Variants in VASH2 observed in about 807,000 individuals in gnomAD.
VASH2 encodes tubulinyl-Tyr carboxypeptidase 2.
In VASH2, 28 loss-of-function variants were observed where a neutral mutation model predicts 37.2. The ratio of observed to expected loss-of-function variants is 0.75; its 90% confidence interval spans 0.56 to 1.03. The LOEUF (loss-of-function observed/expected upper bound fraction) is 1.03. Among genes scored for constraint, VASH2 ranks in the 50% least tolerant of loss-of-function variants. The probability of loss-of-function intolerance (pLI) is 0.00; values close to 1 mark genes in which losing one functional copy is unlikely to be tolerated. For missense variants in VASH2, 419 were observed against 459.1 expected (o/e 0.91, Z 0.80); for synonymous variants, 188 against 174.7 (o/e 1.08, Z -0.60).
chr1:212,965,859 C>G, intron 4 of VASH2, 81 bp downstream of exon 4: 1 of 1,369,334 alleles, frequency 7.3e-7, no homozygotes, highest in South Asian at 1.3e-5. Flanking sequence ...CCTCTATTCC[C>G]GTAGCCCATG....
At position 212,991,212 on chromosome 1, in the gene VASH2, T is replaced by G. The variant is rs975252778; in HGVS notation, c.*2628T>G. Reference sequence around the variant, plus strand: ...GAAATCATGAGCATTTCACTTTTTCTAAGTCAATTATTTCATAAGGATTTT... The same window carrying G: ...GAAATCATGAGCATTTCACTTTTTCGAAGTCAATTATTTCATAAGGATTTT... On this transcript the variant is annotated 3_prime_UTR_variant, in exon 8 of 8. Coordinates refer to ENST00000517399, the MANE Select transcript of VASH2 (RefSeq NM_001301056.2). 6.6e-6 allele frequency: 1 copy of G among 152,266 alleles called. No homozygotes were observed. Among genetic ancestry groups the G allele is most frequent in the Non-Finnish European group, 1.5e-5 (1 of 68,050 alleles). 9.4% of individuals were successfully genotyped at this position (152,266 alleles called of 1,614,324 possible). A position where few individuals can be genotyped will look rare whatever the true frequency, so the allele number is the denominator to read the frequency against.
At chr1:212,970,474 T>G (rs1666977607) in intron 5 of VASH2, among the ~76,000 whole-genome samples, 1 of 152,164 alleles carries the variant, frequency 6.6e-6, no homozygotes, top group Admixed American at 6.5e-5. Context: ...GCCTTTCTTA[T>G]AACACACTTC....
At chr1:212,978,820 G>T (rs74140543) in intron 7 of VASH2, among the ~76,000 whole-genome samples, 4,810 of 152,246 alleles carry the variant, frequency 0.032, 267 homozygotes, top group African/African-American at 0.11. Flanking sequence ...TAAGACTATG[G>T]TTATTCTTGG....
rs1572052984 is a variant in VASH2 at position 212,951,776 on chromosome 1, A to G, written c.234A>G (p.Gly78=). ...TGGCCAAGGTGCACCCTAAGGGGGG[A>G]GAAATGGTGGGCGCCATCAGGAACG... ...MHVAKVHPKG[G]EMVGAIRNAA... Residue 78 remains glycine, a synonymous_variant, in exon 2 of 8, where the codon GGA becomes GGG. Coordinates refer to ENST00000517399, the MANE Select transcript of VASH2 (RefSeq NM_001301056.2). The surrounding 1 kb of genome is among the most constrained non-coding windows in gnomAD (Gnocchi z 4.4). The G allele has an allele frequency of 6.2e-7, 1 of 1,608,512 alleles. No homozygotes were observed. Among genetic ancestry groups the G allele is most frequent in the Non-Finnish European group, 8.5e-7 (1 of 1,178,568 alleles).
chr1:212,963,332 G>T (rs1322895072), intron 3 of VASH2, among the ~76,000 whole-genome samples: 1 of 152,164 alleles, frequency 6.6e-6, no homozygotes, highest in African/African-American at 2.4e-5. Context: ...CCAGCCCCCT[G>T]CCCACTGGGG....
rs750333194 is a variant in VASH2, at chr1:212,951,621, G to T, written c.79G>T (p.Ala27Ser). The T allele has an allele frequency of 6.4e-7, 1 of 1,564,938 alleles. No homozygotes were observed. Among genetic ancestry groups the T allele is most frequent in the South Asian group, 1.2e-5 (1 of 85,100 alleles). Reference sequence around the variant, plus strand: ...AGGCACCCGGTCCCGGAGCAGCCACGCGCGGCCCGTGAGCCTCGCCACCAG... The same window carrying T: ...AGGCACCCGGTCCCGGAGCAGCCACTCGCGGCCCGTGAGCCTCGCCACCAG... Reference protein sequence around the residue: ...AKGTRSRSSHARPVSLATSGG... With the variant: ...AKGTRSRSSHSRPVSLATSGG... The change falls in exon 2 of 8, where the codon GCG becomes TCG. Residue 27 changes from alanine to serine, a missense_variant. This residue lies in a region of VASH2 where 158 missense variants were observed against 163.0 expected (regional missense o/e 0.97). Coordinates refer to ENST00000517399, the MANE Select transcript of VASH2 (RefSeq NM_001301056.2). The surrounding 1 kb of genome is among the most constrained non-coding windows in gnomAD (Gnocchi z 4.4).
chr1:212,956,438 T>A (rs182847904), intron 2 of VASH2, among the ~76,000 whole-genome samples: 1 of 152,292 alleles, frequency 6.6e-6, no homozygotes, highest in Non-Finnish European at 1.5e-5. Context: ...TTCATCAGCC[T>A]GGCCACGGCT....
At chr1:212,967,281 C>T (rs1337251893) in intron 5 of VASH2, 10 of 1,272,350 alleles carry the variant, frequency 7.9e-6, no homozygotes, top group Non-Finnish European at 1.0e-5. Flanking sequence ...CATCCCTGCA[C>T]AATTTTATAC....
At chr1:212,959,957 GC>G (rs966432007) in intron 2 of VASH2, among the ~76,000 whole-genome samples, 1 of 152,198 alleles carries the variant, frequency 6.6e-6, no homozygotes, top group Admixed American at 6.5e-5. Context: ...CACTGCCGGA[GC>G]CCCACCCACG....
chr1:212,973,516 C>T, intron 6 of VASH2: 1 of 1,290,352 alleles, frequency 7.7e-7, no homozygotes, highest in Non-Finnish European at 1.0e-6. Flanking sequence ...CTCTGCAGGA[C>T]CTGGAGTGGA....
chr1:212,971,376 C>T lies in VASH2; in HGVS notation c.498-1204C>T, dbSNP rs1426316374. On this transcript the variant is annotated intron_variant, in intron 5 of 7. Coordinates refer to ENST00000517399, the MANE Select transcript of VASH2 (RefSeq NM_001301056.2). This position sits in a 1 kb window ranked among gnomAD's most constrained non-coding sequence, Gnocchi z 4.0. ...TTATTTGAGGAATTGCCATACTGAT[C>T]ACATTGTGTGCATTCTGAGTCCATC... Among the ~76,000 whole-genome samples the T allele has an allele frequency of 6.6e-5, 10 of 152,180 alleles. No homozygotes were observed. The highest frequency in any genetic ancestry group is 1.3e-4 in the Admixed American group (2 of 15,290).
chr1:212,954,226 T>G lies in VASH2; in HGVS notation c.276+2408T>G, dbSNP rs78401357. On this transcript the variant is annotated intron_variant, in intron 2 of 7. Transcript: ENST00000517399. ...CCGCATCTGGCCTTTTGCCCTTTCT[T>G]ATATGTCATAGCTCCCAGACCAACT... Among the ~76,000 whole-genome samples, 431 of 152,260 alleles carry G rather than the reference T, an allele frequency of 2.8e-3. 1 individual carries two copies. The highest frequency in any genetic ancestry group is 9.9e-3 in the African/African-American group (409 of 41,522).
chr1:212,977,066 G>T (rs1442205406), intron 7 of VASH2, among the ~76,000 whole-genome samples: 1 of 152,112 alleles, frequency 6.6e-6, no homozygotes, highest in Non-Finnish European at 1.5e-5. Flanking sequence ...AAAGTAGTGG[G>T]GGAAGGAGAA....
At chr1:212,952,026 G>C (rs558832223) in intron 2 of VASH2, among the ~76,000 whole-genome samples, 12 of 152,278 alleles carry the variant, frequency 7.9e-5, no homozygotes, top group Middle Eastern at 3.4e-3. Context: ...GAGAGGTAGC[G>C]GGCTTGCTAT....
At chr1:212,977,880 G>A (rs915116756) in intron 7 of VASH2, among the ~76,000 whole-genome samples, 12 of 152,148 alleles carry the variant, frequency 7.9e-5, no homozygotes, top group Non-Finnish European at 1.2e-4. Flanking sequence ...GACATCTACC[G>A]TTTGCTTCAG....
chr1:212,957,924 C>G (rs1421570699), intron 2 of VASH2, among the ~76,000 whole-genome samples: 2 of 152,202 alleles, frequency 1.3e-5, no homozygotes, highest in Non-Finnish European at 2.9e-5. Context: ...TTAATGAGCA[C>G]CATATGCCAA....
At chr1:212,985,197 G>C (rs1017755199) in intron 7 of VASH2, among the ~76,000 whole-genome samples, 2 of 109,334 alleles carry the variant, frequency 1.8e-5, no homozygotes, top group Non-Finnish European at 3.6e-5. Context: ...AATTTTTTTT[G>C]CTTTTTTTTT....
rs1203762738 is a variant in VASH2, at chr1:212,972,870, A to G, written c.788A>G (p.Glu263Gly). 11 of 1,614,094 alleles carry G rather than the reference A, an allele frequency of 6.8e-6. No individual in the cohort carries two copies. The highest frequency in any genetic ancestry group is 1.6e-4 in the Middle Eastern group (1 of 6,062). Residue 263 changes from glutamate to glycine, a missense_variant, in exon 6 of 8, where the codon GAG (glutamate) becomes GGG (glycine). By Grantham distance (98) the Glu-to-Gly change is moderately conservative (BLOSUM62 -2). Around this residue, in one of 3 missense-constraint regions of VASH2, gnomAD observed 177 missense variants for 166.2 expected, o/e 1.06. Transcript: ENST00000517399. The stretch of plus-strand genomic sequence containing the variant: ...GAGCCTCATAGCTTCCAGCCCATTG[A>G]GTGGAAGCAGCTGGTCCTCAACGTC... The part of the protein sequence containing the change: ...PHEPHSFQPI[E>G]WKQLVLNVSK...
intron 7 of VASH2, among the ~76,000 whole-genome samples, chr1:212,984,966 G>C (rs1181654030): frequency 6.6e-6 from 1 of 152,148 alleles, no homozygotes; most frequent in African/African-American, 2.4e-5. Context: ...AGCACCCACT[G>C]TTAGTGGATC....
Sources: allele counts gnomAD v4.1 joint callset (sites outside exome capture counted in the v4.1 genomes callset), GRCh38; gene constraint gnomAD v4.1.1; regional missense constraint gnomAD v4.1.1; non-coding constraint Gnocchi (gnomAD v3.1); transcripts MANE v1.5; gene names NCBI Gene and HGNC (gene_info 2026-07-23, HGNC 2026-07-21).